SECISBP2L: variants seen among roughly 807,000 people sequenced by gnomAD.
The protein encoded by SECISBP2L is selenocysteine insertion sequence-binding protein 2-like.
In SECISBP2L, 43 loss-of-function variants were observed where a neutral mutation model predicts 114.7. That is an observed-to-expected ratio of 0.38 (90% CI 0.29 to 0.48). SECISBP2L has a LOEUF of 0.48. Among genes scored for constraint, SECISBP2L ranks in the 20% least tolerant of loss-of-function variants. SECISBP2L has a pLI of 0.98. For synonymous variants in SECISBP2L, 451 were observed against 439.7 expected (o/e 1.03, Z -0.32); for missense variants, 1,136 against 1,301.1 (o/e 0.87, Z 1.95).
rs770216335 is a variant in SECISBP2L, at chr15:49,028,422, C to T, written c.894+31G>A. The T allele has an allele frequency of 4.4e-6, 7 of 1,593,072 alleles. No individual in the cohort carries two copies. The East Asian group carries it at 1.1e-4, about 25-fold the overall frequency. ...AAAATAATAATACTGATATCAATGA[C>T]CAATAAAGAAATCAAGACGATGTCA... is the stretch of plus-strand genomic sequence containing the variant. On this transcript the variant is annotated intron_variant, in intron 5 of 17. Coordinates refer to ENST00000559471, the MANE Select transcript of SECISBP2L (RefSeq NM_001193489.2).
intron 16 of SECISBP2L, among the ~76,000 whole-genome samples, chr15:48,999,529 A>G (rs560767696): frequency 2.0e-5 from 3 of 152,350 alleles, no homozygotes; most frequent in African/African-American, 7.2e-5. Context: ...ACGTAATATC[A>G]GATATCTTTA....
chr15:49,019,351 T>C (rs1213771063), intron 8 of SECISBP2L, 67 bp downstream of exon 8: 12 of 1,238,150 alleles, frequency 9.7e-6, no homozygotes, highest in Non-Finnish European at 1.2e-5. Context: ...GTTCACAATG[T>C]AACAAATTAA....
intron 17 of SECISBP2L, 73 bp from the exon 18 acceptor site, chr15:48,992,999 A>C (rs564723193): frequency 8.4e-5 from 108 of 1,279,880 alleles, no homozygotes; most frequent in Admixed American, 4.5e-4. Flanking sequence ...AAAAACCCCC[A>C]AAAAAGAAAG....
At chr15:49,013,783 T>C (rs1030491001) in intron 11 of SECISBP2L, among the ~76,000 whole-genome samples, 3 of 152,192 alleles carry the variant, frequency 2.0e-5, no homozygotes, top group African/African-American at 7.2e-5. Flanking sequence ...TCCTTACTCC[T>C]GTCCAAGGCT....
At chr15:49,020,588 G>C (rs973581022) in intron 7 of SECISBP2L, among the ~76,000 whole-genome samples, 1 of 151,966 alleles carries the variant, frequency 6.6e-6, no homozygotes, top group Non-Finnish European at 1.5e-5. Flanking sequence ...GCTCACTGCA[G>C]CCTCAACCTC....
At position 49,016,592 on chromosome 15, in the gene SECISBP2L, TGCC is replaced by T; in HGVS notation, c.1526_1528del (p.Arg509del). The T allele has an allele frequency of 1.2e-6, 2 of 1,610,956 alleles. No individual in the cohort carries two copies. The highest frequency in any genetic ancestry group is 2.7e-5 in the African/African-American group (2 of 75,034). On this transcript the variant is annotated inframe_deletion, in exon 11 of 18. Transcript: ENST00000559471. ...TGACAGAGGTCTGGTGTTAGTAATT[TGCC>T]GTGCTTTCATTGCTTGCTGTTGTTT... is the stretch of plus-strand genomic sequence containing the variant.
intron 4 of SECISBP2L, among the ~76,000 whole-genome samples, chr15:49,031,480 C>T (rs1382527592): frequency 6.6e-6 from 1 of 152,024 alleles, no homozygotes; most frequent in Non-Finnish European, 1.5e-5. Context: ...ATGCAATTAA[C>T]TTTTGTATAT....
intron 7 of SECISBP2L, among the ~76,000 whole-genome samples, chr15:49,022,774 T>C (rs960969629): frequency 6.6e-6 from 1 of 152,156 alleles, no homozygotes; most frequent in African/African-American, 2.4e-5. Context: ...GTGATAAAGG[T>C]AATTAAAGTC....
At chr15:49,034,674 T>TTTTTTTG (rs1902968830) in intron 3 of SECISBP2L, among the ~76,000 whole-genome samples, 3 of 149,050 alleles carry the variant, frequency 2.0e-5, no homozygotes, top group Non-Finnish European at 4.5e-5. Flanking sequence ...CTTTTGTTTT[T>TTTTTTTG]TTTTTTTTGA....
intron 14 of SECISBP2L, among the ~76,000 whole-genome samples, chr15:49,004,730 A>G (rs910670064): frequency 3.3e-5 from 5 of 152,220 alleles, no homozygotes; most frequent in Non-Finnish European, 7.3e-5. Flanking sequence ...GTTTCCACGT[A>G]GTTGTGCAGT....
chr15:49,038,754 T>C (rs537792769), intron 1 of SECISBP2L, among the ~76,000 whole-genome samples: 2 of 152,296 alleles, frequency 1.3e-5, no homozygotes, highest in African/African-American at 2.4e-5. Context: ...TAAAAAATCA[T>C]ATAAATATTA....
intron 16 of SECISBP2L, 145 bp downstream of exon 16, chr15:48,999,688 A>T: frequency 1.3e-6 from 1 of 799,722 alleles, no homozygotes; most frequent in Non-Finnish European, 1.9e-6. Context: ...GAAATGTAAT[A>T]CTCAAAAAAT....
At position 49,028,181 on chromosome 15, in the gene SECISBP2L, A is replaced by T. The variant is rs780892817; in HGVS notation, c.895-13T>A. On this transcript the variant is annotated splice_polypyrimidine_tract_variant and intron_variant, in intron 5 of 17. Transcript: ENST00000559471. ...ATGATTCCACATGCTAAAAAAAGAA[A>T]CAAAAAGACAATTATACTCTACTTG... The T allele has an allele frequency of 6.4e-7, 1 of 1,570,632 alleles. No individual in the cohort carries two copies. The highest frequency in any genetic ancestry group is 2.3e-5 in the East Asian group (1 of 44,278).
intron 2 of SECISBP2L, among the ~76,000 whole-genome samples, chr15:49,036,806 A>C (rs1395642129): frequency 6.6e-6 from 1 of 152,236 alleles, no homozygotes; most frequent in Non-Finnish European, 1.5e-5. Flanking sequence ...CTGGCACACT[A>C]ATGTGCAACA....
At chr15:48,993,308 G>C (rs1902027896) in intron 17 of SECISBP2L, among the ~76,000 whole-genome samples, 1 of 151,962 alleles carries the variant, frequency 6.6e-6, no homozygotes, top group African/African-American at 2.4e-5. Flanking sequence ...GTTATAAAGG[G>C]AAAATAATTC....
chr15:49,027,276 T>C, intron 7 of SECISBP2L, 89 bp downstream of exon 7: 1 of 820,284 alleles, frequency 1.2e-6, no homozygotes. Flanking sequence ...AATCACTCCA[T>C]GTGCATATCC....
chr15:49,000,837 GC>G lies in SECISBP2L; in HGVS notation c.2248+39del. Reference sequence around the variant, plus strand: ...CTTTATATTCACTGTATATCCCACAGCTATACTATCAAAACACTTCAAAAGC... The same window carrying G: ...CTTTATATTCACTGTATATCCCACAGTATACTATCAAAACACTTCAAAAGC... On this transcript the variant is annotated intron_variant, in intron 15 of 17. Coordinates refer to ENST00000559471, the MANE Select transcript of SECISBP2L (RefSeq NM_001193489.2). 5 of 1,515,324 alleles carry G rather than the reference GC, an allele frequency of 3.3e-6. No homozygotes were observed. The South Asian group carries it at 6.0e-5, about 18-fold the overall frequency. The allele number at this position is 1,515,324 out of a possible 1,614,324, so 93.9% of individuals were successfully genotyped here. A position where few individuals can be genotyped will look rare whatever the true frequency, so the allele number is the denominator to read the frequency against.
intron 17 of SECISBP2L, among the ~76,000 whole-genome samples, chr15:48,993,991 A>G (rs60310241): frequency 0.17 from 26,224 of 151,958 alleles, 3,772 homozygotes; most frequent in African/African-American, 0.4. Flanking sequence ...TATGGCCTAT[A>G]TATTGATATA....
chr15:49,045,221 A>G (rs1272137041), intron 1 of SECISBP2L, among the ~76,000 whole-genome samples: 1 of 152,228 alleles, frequency 6.6e-6, no homozygotes, highest in African/African-American at 2.4e-5. Context: ...AGTATACACA[A>G]CTAGGAAGCT....
Sources: gnomAD v4.1 joint callset for allele counts (sites outside exome capture counted in the v4.1 genomes callset) on GRCh38, gnomAD v4.1.1 for gene constraint, MANE v1.5 for transcripts, NCBI Gene and HGNC (gene_info 2026-07-23, HGNC 2026-07-21) for gene names.